ZP3: variants seen among roughly 807,000 people sequenced by gnomAD.
The protein encoded by ZP3 is zona pellucida sperm-binding protein 3.
In ZP3, 21 loss-of-function variants were observed where a neutral mutation model predicts 35.6. The ratio of observed to expected loss-of-function variants is 0.59; its 90% CI spans 0.42 to 0.85. The LOEUF (loss-of-function observed/expected upper bound fraction) is 0.85, where lower values mean the gene tolerates loss of function less well. Ranked by LOEUF, ZP3 falls within the 40% of genes least tolerant of loss-of-function variation. The pLI is 0.00. For missense variants in ZP3, 437 were observed against 536.5 expected (o/e 0.81, Z 1.83); for synonymous variants, 207 against 214.5 (o/e 0.96, Z 0.31).
chr7:76,416,941 C>A (rs1353673807), intron 1 of ZP3, among the ~76,000 whole-genome samples: 2 of 77,248 alleles, frequency 2.6e-5, no homozygotes, highest in Admixed American at 1.7e-4. Context: ...CATATGTATA[C>A]ATACATATAT....
chr7:76,413,408 G>A (rs558558328), intron 1 of ZP3, among the ~76,000 whole-genome samples: 5 of 151,924 alleles, frequency 3.3e-5, no homozygotes, highest in South Asian at 2.1e-4. Flanking sequence ...GACTACAGGC[G>A]CATGCCACCA....
chr7:76,401,910 T>C (rs1008985375), intron 1 of ZP3, among the ~76,000 whole-genome samples: 2 of 152,324 alleles, frequency 1.3e-5, no homozygotes, highest in African/African-American at 4.8e-5. Flanking sequence ...CAGAACCTGG[T>C]ACTCAGCAGA....
chr7:76,440,228 A>G lies in ZP3; in HGVS notation c.832-22A>G, dbSNP rs778096760. The G allele has an allele frequency of 3.7e-6, 6 of 1,601,794 alleles. No homozygotes were observed. In the African/African-American group the frequency reaches 6.7e-5, roughly 18 times the overall value. On this transcript the variant is annotated intron_variant, in intron 5 of 7. Transcript: ENST00000394857. Reference sequence around the variant, plus strand: ...AGGCACAGCCTGGAACTCGGCCTGGAAATAGCTGTTATTCCTTGCAGATAT... The same window carrying G: ...AGGCACAGCCTGGAACTCGGCCTGGGAATAGCTGTTATTCCTTGCAGATAT...
intron 1 of ZP3, among the ~76,000 whole-genome samples, chr7:76,428,194 G>A (rs916334490): frequency 3.3e-5 from 5 of 151,050 alleles, no homozygotes; most frequent in East Asian, 1.9e-4. Flanking sequence ...ACGGTGGCAC[G>A]TGCCTGTAAT....
At chr7:76,404,357 G>T in intron 1 of ZP3, 3 of 1,613,380 alleles carry the variant, frequency 1.9e-6, no homozygotes, top group South Asian at 1.1e-5. Flanking sequence ...GAAGGGAGGG[G>T]CAGCACTCCC....
At chr7:76,402,029 C>CT (rs1160063006) in intron 1 of ZP3, among the ~76,000 whole-genome samples, 1 of 151,810 alleles carries the variant, frequency 6.6e-6, no homozygotes, top group Admixed American at 6.6e-5. Context: ...TCTTCTTCTT[C>CT]TTCTTTTTAA....
intron 1 of ZP3, among the ~76,000 whole-genome samples, chr7:76,405,014 G>A (rs183186299): frequency 6.6e-6 from 1 of 151,508 alleles, no homozygotes; most frequent in East Asian, 2.0e-4. Context: ...AAGTTGCAGT[G>A]AGCTGAGATC....
At chr7:76,436,572 G>C (rs1304547138) in intron 5 of ZP3, among the ~76,000 whole-genome samples, 24 of 152,214 alleles carry the variant, frequency 1.6e-4, no homozygotes, top group African/African-American at 5.3e-4. Context: ...TGTGGGAAGA[G>C]AAAGATCAAC....
At chr7:76,416,823 T>TACAC (rs1563692689) in intron 1 of ZP3, among the ~76,000 whole-genome samples, 1 of 150,798 alleles carries the variant, frequency 6.6e-6, no homozygotes, top group East Asian at 1.9e-4. Flanking sequence ...TCTCTATATA[T>TACAC]ATATACATAT....
rs536394288 is a variant in ZP3 at position 76,433,412 on chromosome 7, C to T, written c.536-58C>T. ...TCAGGTGATCCACCTGCCTCAGCCTCCCAAGGTGCTGGGATTACAGGCATG... is the reference window on the plus strand; with the variant it reads ...TCAGGTGATCCACCTGCCTCAGCCTTCCAAGGTGCTGGGATTACAGGCATG... On this transcript the variant is annotated intron_variant, in intron 3 of 7. Transcript: ENST00000394857. The T allele has an allele frequency of 3.5e-5, 55 of 1,564,232 alleles. No individual in the cohort carries two copies. The African/African-American group carries it at 6.1e-4, about 17-fold the overall frequency.
Position 76,441,874 on chromosome 7 carries a change from C to A in ZP3, c.1093C>A (p.Leu365Met), listed in dbSNP as rs763079407. Residue 365 changes from leucine (L) to methionine (M), a missense_variant, in exon 8 of 8, where the codon CTG becomes ATG. Leu to Met is a conservative substitution (Grantham distance 15). Coordinates refer to ENST00000394857, the MANE Select transcript of ZP3 (RefSeq NM_001110354.2). ...AGAAGCAGATGTCACCGTGGGGCCA[C>A]TGATCTTCCTGGACAGGAGGGGTGA... ...TEEADVTVGPLIFLDRRGDHE... is the reference protein window; with the variant it reads ...TEEADVTVGPMIFLDRRGDHE... 1.2e-6 allele frequency: 2 copies of A among 1,612,470 alleles called. No individual in the cohort carries two copies. The highest frequency in any genetic ancestry group is 2.7e-5 in the African/African-American group (2 of 74,680).
intron 5 of ZP3, among the ~76,000 whole-genome samples, chr7:76,436,053 T>TCCC (rs1805996874): frequency 2.6e-5 from 2 of 75,598 alleles, no homozygotes; most frequent in African/African-American, 4.4e-5. Flanking sequence ...TTTTTTTTTT[T>TCCC]TTTTTTTTTT....
chr7:76,433,336 G>A, intron 3 of ZP3, 134 bp from the exon 4 acceptor site: 2 of 936,838 alleles, frequency 2.1e-6, no homozygotes, highest in Non-Finnish European at 3.2e-6. Context: ...TCTATTTTTA[G>A]TAGAGATGGG....
intron 1 of ZP3, among the ~76,000 whole-genome samples, chr7:76,405,178 A>G (rs1490359547): frequency 2.2e-5 from 3 of 136,492 alleles, no homozygotes; most frequent in Non-Finnish European, 3.2e-5. Flanking sequence ...ATCTCGGCTC[A>G]CTGCAACCTC....
At chr7:76,399,622 C>A (rs568250689) in intron 1 of ZP3, among the ~76,000 whole-genome samples, 5 of 151,262 alleles carry the variant, frequency 3.3e-5, no homozygotes, top group Non-Finnish European at 5.9e-5. Flanking sequence ...GCAGCCTTGA[C>A]CCCCCCAGAC....
intron 1 of ZP3, chr7:76,398,724 T>A (rs946197191): frequency 2.5e-6 from 4 of 1,613,178 alleles, no homozygotes; most frequent in Non-Finnish European, 3.4e-6. Flanking sequence ...ACGTACTTTT[T>A]CCATTCGGCA....
At chr7:76,401,583 A>G (rs111797642) in intron 1 of ZP3, among the ~76,000 whole-genome samples, 7,668 of 151,996 alleles carry the variant, frequency 0.05, 575 homozygotes, top group African/African-American at 0.17. Context: ...AGTCCAGCTA[A>G]TTTTTGTATT....
intron 1 of ZP3, chr7:76,429,298 T>C: frequency 1.9e-6 from 1 of 538,844 alleles, no homozygotes; most frequent in Middle Eastern, 5.0e-4. Context: ...AGAGATGGGG[T>C]CTTGCTATGT....
intron 1 of ZP3, among the ~76,000 whole-genome samples, chr7:76,416,909 T>G (rs1483757536): frequency 2.3e-5 from 3 of 131,208 alleles, no homozygotes; most frequent in Non-Finnish European, 4.6e-5. Flanking sequence ...TACATATGTA[T>G]ACATACATAT....
Sources: allele counts gnomAD v4.1 joint callset (sites outside exome capture counted in the v4.1 genomes callset), GRCh38; gene constraint gnomAD v4.1.1; transcripts MANE v1.5; gene names NCBI Gene and HGNC (gene_info 2026-07-23, HGNC 2026-07-21).